Variants in ADGRB3 observed in about 807,000 individuals in gnomAD.
The protein encoded by ADGRB3 is adhesion G protein-coupled receptor B3.
ADGRB3 carries 37 observed loss-of-function variants against 193.4 expected under a neutral mutation model. The observed-to-expected ratio is 0.19, with a 90% CI of 0.15 to 0.25. The LOEUF is 0.25. Among genes scored for constraint, ADGRB3 ranks in the 10% least tolerant of loss-of-function variants. ADGRB3 has a pLI of 1.00. For synonymous variants in ADGRB3, 690 were observed against 644.2 expected (o/e 1.07, Z -1.08); for missense variants, 1,637 against 1,852.9 (o/e 0.88, Z 2.14).
intron 3 of ADGRB3, among the ~76,000 whole-genome samples, chr6:68,654,176 G>C (rs186772849): frequency 6.6e-6 from 1 of 152,060 alleles, no homozygotes; most frequent in East Asian, 1.9e-4. Context: ...TGAGTAGGTG[G>C]GCTTTTGTCA....
chr6:68,682,992 C>T (rs137997437), intron 3 of ADGRB3, among the ~76,000 whole-genome samples: 3,373 of 151,970 alleles, frequency 0.022, 58 homozygotes, highest in Non-Finnish European at 0.034. Context: ...ACTGTGTTGG[C>T]GAGGCTGGTC....
intron 20 of ADGRB3, among the ~76,000 whole-genome samples, chr6:69,322,659 C>T (rs538099154): frequency 6.7e-4 from 102 of 151,930 alleles, no homozygotes; most frequent in African/African-American, 2.3e-3. Flanking sequence ...TGATTTTATA[C>T]TAATTCTTCA....
chr6:69,098,796 CT>C (rs992704183), intron 17 of ADGRB3, among the ~76,000 whole-genome samples: 22 of 151,912 alleles, frequency 1.4e-4, no homozygotes, highest in Middle Eastern at 3.4e-3. Context: ...AAAGAAAGGA[CT>C]TTTTTTTCAT....
chr6:69,055,220 TTGTG>T (rs1351296800), intron 15 of ADGRB3, among the ~76,000 whole-genome samples: 3 of 152,226 alleles, frequency 2.0e-5, no homozygotes, highest in Non-Finnish European at 4.4e-5. Context: ...CTATATGCAC[TTGTG>T]TAACATCTCT....
At chr6:69,306,530 G>T (rs1373079034) in intron 20 of ADGRB3, among the ~76,000 whole-genome samples, 2 of 151,476 alleles carry the variant, frequency 1.3e-5, no homozygotes, top group Admixed American at 1.3e-4. Context: ...TACATAAAGG[G>T]AGATAAGCCA....
At chr6:69,104,376 C>T (rs7744448) in intron 17 of ADGRB3, among the ~76,000 whole-genome samples, 99,411 of 149,672 alleles carry the variant, frequency 0.66, 33,701 homozygotes, top group East Asian at 0.88. Context: ...TCATCGTTTT[C>T]TATGGCTGCA....
intron 8 of ADGRB3, among the ~76,000 whole-genome samples, chr6:68,962,974 C>T (rs948699693): frequency 1.3e-5 from 2 of 152,154 alleles, no homozygotes; most frequent in Non-Finnish European, 2.9e-5. Flanking sequence ...AGCTTTCCTA[C>T]CTGGGACTCA....
chr6:68,921,067 C>A (rs1767030405), intron 3 of ADGRB3, among the ~76,000 whole-genome samples: 1 of 151,840 alleles, frequency 6.6e-6, no homozygotes, highest in South Asian at 2.1e-4. Context: ...ATGGCAATTC[C>A]TATCAATCCA....
intron 3 of ADGRB3, among the ~76,000 whole-genome samples, chr6:68,679,238 A>C (rs1355513588): frequency 2.0e-5 from 3 of 152,206 alleles, no homozygotes; most frequent in African/African-American, 4.8e-5. Context: ...AACTGAACAC[A>C]ATAGAACTTT....
intron 11 of ADGRB3, among the ~76,000 whole-genome samples, chr6:69,008,093 T>C (rs1769818346): frequency 6.6e-6 from 1 of 152,152 alleles, no homozygotes. Flanking sequence ...ATGGCATAAT[T>C]ACATTTTAAA....
chr6:68,803,062 A>G (rs1296186695), intron 3 of ADGRB3, among the ~76,000 whole-genome samples: 2 of 152,112 alleles, frequency 1.3e-5, no homozygotes, highest in Non-Finnish European at 2.9e-5. Context: ...CCATATATTG[A>G]ATAACTACCT....
chr6:68,790,779 C>G (rs1217953247), intron 3 of ADGRB3, among the ~76,000 whole-genome samples: 1 of 152,112 alleles, frequency 6.6e-6, no homozygotes, highest in Non-Finnish European at 1.5e-5. Context: ...ACACCAAAAA[C>G]CCATCTGTAC....
intron 3 of ADGRB3, among the ~76,000 whole-genome samples, chr6:68,834,950 A>G (rs978320737): frequency 6.6e-6 from 1 of 152,182 alleles, no homozygotes; most frequent in East Asian, 1.9e-4. Flanking sequence ...ACTACCTAGT[A>G]TAATTGAAAA....
At chr6:68,785,788 T>C (rs1766955735) in intron 3 of ADGRB3, among the ~76,000 whole-genome samples, 1 of 152,162 alleles carries the variant, frequency 6.6e-6, no homozygotes, top group African/African-American at 2.4e-5. Flanking sequence ...ATAAAAGTGT[T>C]CCTATATCTC....
At chr6:69,082,258 A>G (rs1470464877) in intron 17 of ADGRB3, among the ~76,000 whole-genome samples, 2 of 152,060 alleles carry the variant, frequency 1.3e-5, no homozygotes, top group East Asian at 3.9e-4. Context: ...GAAAATATTG[A>G]TTATACATCA....
In ADGRB3 at chr6:69,121,864, C is replaced by T. The variant is rs183754581; in HGVS notation, c.2480+45826C>T. ...GCTCCTCACCTCCCAGATGGGGTGGCGGCCAGGCAGAGGCGCTCCTCACTT... is the reference window on the plus strand; with the variant it reads ...GCTCCTCACCTCCCAGATGGGGTGGTGGCCAGGCAGAGGCGCTCCTCACTT... On this transcript the variant is annotated intron_variant, in intron 17 of 31. Transcript: ENST00000370598. 2.6e-3 allele frequency among the ~76,000 whole-genome samples: 392 copies of T among 150,872 alleles called. 1 individual carries two copies. The highest frequency in any genetic ancestry group is 9.3e-3 in the African/African-American group (382 of 41,030).
intron 17 of ADGRB3, among the ~76,000 whole-genome samples, chr6:69,228,711 T>C (rs948926439): frequency 1.1e-4 from 16 of 152,328 alleles, no homozygotes; most frequent in African/African-American, 2.9e-4. Flanking sequence ...TCATAAAATA[T>C]GTGTTTACAA....
At chr6:69,363,419 G>A (rs752707023) in intron 29 of ADGRB3, among the ~76,000 whole-genome samples, 2 of 151,978 alleles carry the variant, frequency 1.3e-5, no homozygotes, top group Non-Finnish European at 2.9e-5. Context: ...CATTTATATA[G>A]CATCTTTCAT....
chr6:69,302,722 G>A (rs1482316950), intron 20 of ADGRB3, among the ~76,000 whole-genome samples: 1 of 151,960 alleles, frequency 6.6e-6, no homozygotes, highest in Admixed American at 6.6e-5. Flanking sequence ...TCGTGAAAGT[G>A]TGGAAGGATT....
Sources: allele counts gnomAD v4.1 joint callset (sites outside exome capture counted in the v4.1 genomes callset), GRCh38; gene constraint gnomAD v4.1.1; transcripts MANE v1.5; gene names NCBI Gene and HGNC (gene_info 2026-07-23, HGNC 2026-07-21).